Variants in SGCD observed in about 807,000 individuals in gnomAD.
SGCD encodes the protein delta-sarcoglycan.
A neutral mutation model predicts 36.6 loss-of-function variants in SGCD; 18 were observed. The observed-to-expected ratio is 0.49, with a 90% CI of 0.34 to 0.73. The LOEUF (loss-of-function observed/expected upper bound fraction) is 0.73, where lower values mean the gene tolerates loss of function less well. SGCD is among the 30% of genes least tolerant of loss of function. The pLI is 0.01. For synonymous variants in SGCD, 133 were observed against 130.6 expected (o/e 1.02, Z -0.12); for missense variants, 387 against 346.7 (o/e 1.12, Z -0.92).
At chr5:156,567,391 T>TAGAG (rs1759537046) in intron 4 of SGCD, among the ~76,000 whole-genome samples, 1 of 135,424 alleles carries the variant, frequency 7.4e-6, no homozygotes, top group South Asian at 2.4e-4. Context: ...GATAGATAGA[T>TAGAG]AGATAGATAG....
chr5:156,754,925 T>G (rs1561898339), intron 7 of SGCD, among the ~76,000 whole-genome samples: 1 of 152,242 alleles, frequency 6.6e-6, no homozygotes, highest in South Asian at 2.1e-4. Flanking sequence ...TTCTACAAGT[T>G]TTGATAAGTA....
chr5:156,014,683 G>T (rs1407279883), intron 1 of SGCD, among the ~76,000 whole-genome samples: 1 of 152,128 alleles, frequency 6.6e-6, no homozygotes, highest in Non-Finnish European at 1.5e-5. Flanking sequence ...TATTGTCCCA[G>T]TAATGTTCTT....
Position 156,477,220 on chromosome 5 carries a change from T to A in SGCD, c.193-31381T>A, listed in dbSNP as rs181233568. 2.4e-3 allele frequency among the ~76,000 whole-genome samples: 371 copies of A among 152,262 alleles called. 2 individuals carry two copies. The highest frequency in any genetic ancestry group is 2.2e-3 in the Non-Finnish European group (148 of 68,022). On this transcript the variant is annotated intron_variant, in intron 3 of 8. Transcript: ENST00000337851. ...AGAATGGTACCAACAAAATATGGTATTTGTTTAGATATGTATGTTTTTATA... is the reference window on the plus strand; with the variant it reads ...AGAATGGTACCAACAAAATATGGTAATTGTTTAGATATGTATGTTTTTATA...
chr5:156,076,620 A>G (rs1760791856), intron 1 of SGCD, among the ~76,000 whole-genome samples: 1 of 152,188 alleles, frequency 6.6e-6, no homozygotes, highest in African/African-American at 2.4e-5. Context: ...ATTTCTTAAT[A>G]ATTAAATTCA....
At chr5:156,143,360 A>C (rs937485922) in intron 3 of SGCD, among the ~76,000 whole-genome samples, 1 of 152,224 alleles carries the variant, frequency 6.6e-6, no homozygotes, top group Non-Finnish European at 1.5e-5. Context: ...CTACTAGGGC[A>C]GTGCAGAGGA....
chr5:156,305,960 T>C (rs1767199994), intron 3 of SGCD, among the ~76,000 whole-genome samples: 1 of 151,234 alleles, frequency 6.6e-6, no homozygotes, highest in Admixed American at 6.6e-5. Flanking sequence ...TGGCTGTATT[T>C]ACCCAATGCC....
At chr5:156,452,986 G>C (rs1197439903) in intron 3 of SGCD, among the ~76,000 whole-genome samples, 6 of 152,104 alleles carry the variant, frequency 3.9e-5, no homozygotes. Context: ...AGGTAGAATA[G>C]TTTTACTCAA....
chr5:156,281,302 C>T (rs111564435), intron 3 of SGCD, among the ~76,000 whole-genome samples: 7 of 152,190 alleles, frequency 4.6e-5, no homozygotes, highest in African/African-American at 1.7e-4. Flanking sequence ...TATCTGGATA[C>T]TGACTTCTTA....
chr5:155,956,878 T>A lies in SGCD; in HGVS notation c.-282+86454T>A, dbSNP rs189523791. 4.7e-5 allele frequency among the ~76,000 whole-genome samples: 7 copies of A among 150,336 alleles called. No individual in the cohort carries two copies. In the East Asian group the frequency reaches 1.4e-3, roughly 30 times the overall value. On this transcript the variant is annotated intron_variant, in intron 1 of 9. Transcript: ENST00000517913. ...TGTCTGCAAAGATCCTTTTTCCCAA[T>A]AAGGTCACATTTATAGGTACCGAGG...
At chr5:155,866,349 G>A (rs942162556), upstream of SGCD, among the ~76,000 whole-genome samples, 4 of 152,048 alleles carry the variant, frequency 2.6e-5, no homozygotes, top group African/African-American at 4.8e-5. Flanking sequence ...AGTTTTATCC[G>A]CCATTGTTTT....
intron 3 of SGCD, among the ~76,000 whole-genome samples, chr5:156,405,576 C>A (rs1470490893): frequency 6.6e-6 from 1 of 152,118 alleles, no homozygotes; most frequent in Non-Finnish European, 1.5e-5. Context: ...TGAAAATATC[C>A]CATTTCCCCA....
rs538229806 is a variant in SGCD, at chr5:156,329,593, G to A, written c.3+14G>A. 173 of 1,611,884 alleles carry A rather than the reference G, an allele frequency of 1.1e-4. 1 individual carries two copies. In the South Asian group the frequency reaches 1.7e-3, roughly 16 times the overall value. ...CAGGTGGAGATGGTGAGTAATTCCC[G>A]GGAGCGAAGCTTGTTCAAGGCCCTG... On this transcript the variant is annotated intron_variant, in intron 2 of 8. Coordinates refer to ENST00000337851, the MANE Select transcript of SGCD (RefSeq NM_000337.6).
At chr5:156,536,815 AAAGTT>A (rs1339990869) in intron 4 of SGCD, among the ~76,000 whole-genome samples, 1 of 152,184 alleles carries the variant, frequency 6.6e-6, no homozygotes, top group Non-Finnish European at 1.5e-5. Flanking sequence ...AACCTCATTC[AAAGTT>A]AAGTATTTAT....
At chr5:156,223,933 A>C (rs1288447056) in intron 3 of SGCD, among the ~76,000 whole-genome samples, 1 of 152,052 alleles carries the variant, frequency 6.6e-6, no homozygotes, top group East Asian at 1.9e-4. Context: ...GGTAAACTTA[A>C]AACTGGCCTG....
intron 3 of SGCD, among the ~76,000 whole-genome samples, chr5:156,149,919 C>T (rs1440944930): frequency 6.6e-6 from 1 of 152,208 alleles, no homozygotes; most frequent in African/African-American, 2.4e-5. Context: ...GACCAGTTTA[C>T]AACTGAAGAC....
chr5:156,479,845 G>A (rs1473862195), intron 3 of SGCD, among the ~76,000 whole-genome samples: 1 of 152,198 alleles, frequency 6.6e-6, no homozygotes, highest in East Asian at 1.9e-4. Context: ...GATACAGCGA[G>A]TTTCAGAATC....
At chr5:156,119,827 C>T (rs2127602128) in intron 2 of SGCD, among the ~76,000 whole-genome samples, 1 of 152,200 alleles carries the variant, frequency 6.6e-6, no homozygotes, top group African/African-American at 2.4e-5. Context: ...TTTAACACAA[C>T]CTAACCATTA....
chr5:156,150,485 A>G (rs923596254), intron 3 of SGCD, among the ~76,000 whole-genome samples: 2 of 151,676 alleles, frequency 1.3e-5, no homozygotes, highest in African/African-American at 2.4e-5. Context: ...CTGGACTATG[A>G]TGTTCCTTAA....
At chr5:156,562,714 A>G (rs3857410) in intron 4 of SGCD, among the ~76,000 whole-genome samples, 78,286 of 151,686 alleles carry the variant, frequency 0.52, 20,833 homozygotes, top group African/African-American at 0.63. Flanking sequence ...GCAGAAATCC[A>G]GGTAACAGGC....
Sources: gnomAD v4.1 joint callset for allele counts (sites outside exome capture counted in the v4.1 genomes callset) on GRCh38, gnomAD v4.1.1 for gene constraint, MANE v1.5 for transcripts, NCBI Gene and HGNC (gene_info 2026-07-23, HGNC 2026-07-21) for gene names.